The following QSOX2 variants were observed in gnomAD, a reference collection of about 807,000 sequenced individuals.
QSOX2 encodes sulfhydryl oxidase 2.
In QSOX2, 46 loss-of-function variants were observed where a neutral mutation model predicts 61.7. The observed-to-expected ratio is 0.75, with a 90% CI of 0.59 to 0.95. The LOEUF is 0.95. Ranked by LOEUF, QSOX2 falls within the 40% of genes least tolerant of loss-of-function variation. QSOX2 has a pLI of 0.00. For synonymous variants in QSOX2, 383 were observed against 388.4 expected, an observed-to-expected ratio of 0.99 and a Z score of 0.16; for missense variants, 879 against 918.9, an observed-to-expected ratio of 0.96 and a Z score of 0.56.
Position 136,229,134 on chromosome 9 carries a change from C to T in QSOX2, c.329-2260G>A, listed in dbSNP as rs138044668. 7.2e-5 allele frequency among the ~76,000 whole-genome samples: 11 copies of T among 152,314 alleles called. No individual in the cohort carries two copies. The South Asian group carries it at 1.7e-3, about 23-fold the overall frequency. ...TCTTTCAGAAACAATGACCAAATAC[C>T]GTTCCCGCTTACGCTGGCTAAGTGA... On this transcript the variant is annotated intron_variant, in intron 1 of 11. Coordinates refer to ENST00000358701, the MANE Select transcript of QSOX2 (RefSeq NM_181701.4).
rs1820757302 is a variant in QSOX2, at chr9:136,219,152, C to T, written c.834G>A (p.Leu278=). The T allele has an allele frequency of 6.2e-7, 1 of 1,613,772 alleles. No homozygotes were observed. Among genetic ancestry groups the T allele is most frequent in the Non-Finnish European group, 8.5e-7 (1 of 1,180,004 alleles). Residue 278 remains leucine, a synonymous_variant, in exon 7 of 12, where the codon CTG becomes CTA. Transcript: ENST00000358701. ...SHGLINVVKP[L]RAFFSSYLKS... ...TCAAATAAGACGAAAAGAAGGCCCG[C>T]AGAGGCTTCACGCTGTGAGAGAGGG...
chr9:136,216,702 T>A lies in QSOX2; in HGVS notation c.1107A>T (p.Pro369=). 1.2e-6 allele frequency: 2 copies of A among 1,613,726 alleles called. No individual in the cohort carries two copies. The highest frequency in any genetic ancestry group is 1.1e-5 in the South Asian group (1 of 91,076). ...GCAGCATCTCCAACAGCTTCTTGAC[T>A]GGCGGCCGTCCAGGGAACAGCTGCA... ...VLAKLFPGRP[P]VKKLLEMLQE... is the part of the protein sequence containing the mutation. Residue 369 remains proline (P), a synonymous_variant, in exon 9 of 12, where the codon CCA becomes CCT. Coordinates refer to ENST00000358701, the MANE Select transcript of QSOX2 (RefSeq NM_181701.4).
At chr9:136,238,982 T>C (rs1471688752) in intron 1 of QSOX2, among the ~76,000 whole-genome samples, 1 of 152,058 alleles carries the variant, frequency 6.6e-6, no homozygotes, top group African/African-American at 2.4e-5. Context: ...AAGAGACCGA[T>C]CTCTAAAACA....
intron 1 of QSOX2, among the ~76,000 whole-genome samples, chr9:136,232,917 CAA>C (rs60814748): frequency 1.5e-4 from 7 of 45,488 alleles, no homozygotes; most frequent in Non-Finnish European, 2.3e-4. Flanking sequence ...GAACCTGTCT[CAA>C]AAAAAAAAAA....
intron 10 of QSOX2, among the ~76,000 whole-genome samples, chr9:136,214,103 GT>G (rs1373037962): frequency 3.3e-5 from 5 of 152,194 alleles, no homozygotes; most frequent in Admixed American, 2.6e-4. Flanking sequence ...CGGCTTTGAA[GT>G]AAACATTAAT....
chr9:136,211,738 G>A (rs114537077), intron 10 of QSOX2, among the ~76,000 whole-genome samples: 212 of 152,304 alleles, frequency 1.4e-3, no homozygotes, highest in African/African-American at 4.4e-3. Flanking sequence ...CCACGGACTC[G>A]GCCGCCAGGG....
rs879315056 is a variant in QSOX2, at chr9:136,210,017, A to G, written c.1550-742T>C. The G allele has an allele frequency of 3.1e-5, 31 of 985,310 alleles. No homozygotes were observed. In the Admixed American group the frequency reaches 1.7e-3, roughly 55 times the overall value. 61.0% of individuals were successfully genotyped at this position (985,310 alleles called of 1,614,324 possible). The stretch of plus-strand genomic sequence containing the variant: ...AGCTTCCAGAAGTGAATGTAAACAC[A>G]ACCACGTTTGTCTGGGGGACTTGAG... On this transcript the variant is annotated intron_variant, in intron 11 of 11. Transcript: ENST00000358701.
At chr9:136,212,422 C>A (rs570954588) in intron 10 of QSOX2, among the ~76,000 whole-genome samples, 1 of 152,254 alleles carries the variant, frequency 6.6e-6, no homozygotes, top group Non-Finnish European at 1.5e-5. Flanking sequence ...GCAGGCCTGA[C>A]GCTTGTCGTG....
intron 2 of QSOX2, 48 bp from the exon 3 acceptor site, chr9:136,224,957 T>C (rs1830265898): frequency 6.9e-7 from 1 of 1,442,144 alleles, no homozygotes. Flanking sequence ...TCCATGGGCA[T>C]CTGCATGTGT....
chr9:136,218,690 C>G lies in QSOX2; in HGVS notation c.1075G>C (p.Val359Leu). The G allele has an allele frequency of 1.2e-6, 2 of 1,613,670 alleles. No individual in the cohort carries two copies. Among genetic ancestry groups the G allele is most frequent in the Non-Finnish European group, 1.7e-6 (2 of 1,179,884 alleles). Residue 359 changes from valine to leucine, a missense_variant, in exon 8 of 12, where the codon GTC becomes CTC. Transcript: ENST00000358701. Reference protein sequence around the residue: ...ELKTLKDFVTVLAKLFPGRPP... With the variant: ...ELKTLKDFVTLLAKLFPGRPP... ...GCACCGTCCCAAACCTTGGCCAAGA[C>G]AGTCACAAAGTCCTTGAGCGTCTTC... is the stretch of plus-strand genomic sequence containing the variant.
At chr9:136,211,542 C>A in intron 10 of QSOX2, 90 bp from the exon 11 acceptor site, 1 of 1,367,028 alleles carries the variant, frequency 7.3e-7, no homozygotes, top group South Asian at 1.3e-5. Flanking sequence ...GGAAACCGCT[C>A]CTGACATGTC....
intron 1 of QSOX2, among the ~76,000 whole-genome samples, chr9:136,229,191 G>A (rs548847077): frequency 2.2e-4 from 34 of 152,342 alleles, no homozygotes; most frequent in Admixed American, 3.9e-4. Context: ...CACTTTCAGT[G>A]GATGAGGGAG....
Position 136,223,731 on chromosome 9 carries a change from T to C in QSOX2, c.675+32A>G, listed in dbSNP as rs1367874960. 1.9e-6 allele frequency: 3 copies of C among 1,576,856 alleles called. 1 individual carries two copies. In the African/African-American group the frequency reaches 4.1e-5, roughly 21 times the overall value. On this transcript the variant is annotated intron_variant, in intron 5 of 11. Transcript: ENST00000358701. The surrounding 1 kb of genome is among the most constrained non-coding windows in gnomAD (Gnocchi z 4.4). ...CACCGCCAACCCCAATCACACCACGTGTGACACCTGGAGCCCACGCAGAGG... is the reference window on the plus strand; with the variant it reads ...CACCGCCAACCCCAATCACACCACGCGTGACACCTGGAGCCCACGCAGAGG...
intron 1 of QSOX2, among the ~76,000 whole-genome samples, chr9:136,234,678 G>A (rs1048220986): frequency 3.9e-5 from 6 of 152,144 alleles, no homozygotes; most frequent in Admixed American, 6.5e-5. Flanking sequence ...ATCAGCAGGT[G>A]GAGACGGAAG....
chr9:136,245,576 G>A lies in QSOX2; in HGVS notation c.228C>T (p.Ala76=), dbSNP rs1554758422. 1 of 1,578,834 alleles carries A rather than the reference G, an allele frequency of 6.3e-7. No individual in the cohort carries two copies. Among genetic ancestry groups the A allele is most frequent in the East Asian group, 2.4e-5 (1 of 41,766 alleles). ...GCACGAGCCACGCGGCCGAGCTGTT[G>A]GCGGTGGCCCCGCGCACGCTGCCGC... ...LDSGSVRGAT[A]NSSAAWLVQF... Residue 76 remains alanine (A), a synonymous_variant, in exon 1 of 12, where the codon GCC becomes GCT. Transcript: ENST00000358701.
chr9:136,216,461 C>T (rs966493661), intron 9 of QSOX2, 139 bp downstream of exon 9: 5 of 1,184,062 alleles, frequency 4.2e-6, no homozygotes, highest in African/African-American at 1.5e-5. Flanking sequence ...ATGATGCTGT[C>T]GTGGAGACAG....
In QSOX2 at chr9:136,208,739, G is replaced by A. The variant is rs769464649; in HGVS notation, c.2086C>T (p.Pro696Ser). The change falls in exon 12 of 12, where the codon CCG becomes TCG. Residue 696 changes from proline to serine, a missense_variant. Transcript: ENST00000358701. ...CAGCACCCGGGCACTCACACGGCCGGGTGGTGGTGCTTGACCTTCCACCGC... is the reference window on the plus strand; with the variant it reads ...CAGCACCCGGGCACTCACACGGCCGAGTGGTGGTGCTTGACCTTCCACCGC... The part of the protein sequence containing the change: ...SRRWKVKHHH[P>S]AV The A allele has an allele frequency of 6.2e-7, 1 of 1,608,238 alleles. No homozygotes were observed. The highest frequency in any genetic ancestry group is 2.2e-5 in the East Asian group (1 of 44,768).
In QSOX2 at chr9:136,212,174, C is replaced by T. The variant is rs1831854578; in HGVS notation, c.1361-722G>A. On this transcript the variant is annotated intron_variant, in intron 10 of 11. Coordinates refer to ENST00000358701, the MANE Select transcript of QSOX2 (RefSeq NM_181701.4). ...ATCTCAAGAAAGCAACACCTGCCCA[C>T]AGGTGGCAGGAAGCAGCCAGCACCG... 4.6e-5 allele frequency among the ~76,000 whole-genome samples: 7 copies of T among 152,196 alleles called. No individual in the cohort carries two copies. In the South Asian group the frequency reaches 1.0e-3, roughly 23 times the overall value.
chr9:136,216,059 G>A lies in QSOX2; in HGVS notation c.1209+541C>T, dbSNP rs188332447. ...AGGATTCCCAGAAGATCTGCTGTGT[G>A]CACTGACCACGCGGGCGTCGGACAA... On this transcript the variant is annotated intron_variant, in intron 9 of 11. Transcript: ENST00000358701. 1.5e-4 allele frequency among the ~76,000 whole-genome samples: 23 copies of A among 152,348 alleles called. No individual in the cohort carries two copies. The East Asian group carries it at 1.7e-3, about 12-fold the overall frequency.
Sources: allele counts gnomAD v4.1 joint callset (sites outside exome capture counted in the v4.1 genomes callset), GRCh38; gene constraint gnomAD v4.1.1; non-coding constraint Gnocchi (gnomAD v3.1); transcripts MANE v1.5; gene names NCBI Gene and HGNC (gene_info 2026-07-23, HGNC 2026-07-21).